GRM5: variants seen among roughly 807,000 people sequenced by gnomAD.
GRM5 encodes the protein glutamate metabotropic receptor 5.
GRM5 carries 19 observed loss-of-function variants against 83.1 expected under a neutral mutation model. The ratio of observed to expected loss-of-function variants is 0.23; its 90% CI spans 0.16 to 0.34. The LOEUF (loss-of-function observed/expected upper bound fraction) is 0.34, where lower values mean the gene tolerates loss of function less well. Among genes scored for constraint, GRM5 ranks in the 10% least tolerant of loss-of-function variants. The pLI is 1.00. For synonymous variants in GRM5, 675 were observed against 633.6 expected (o/e 1.07, Z -0.98); for missense variants, 1,160 against 1,588.3 (o/e 0.73, Z 4.58).
chr11:88,674,241 C>T (rs1940267010), intron 3 of GRM5, among the ~76,000 whole-genome samples: 1 of 151,846 alleles, frequency 6.6e-6, no homozygotes, highest in Admixed American at 6.6e-5. Flanking sequence ...CTCCTCTTGC[C>T]ACCCTGTTTT....
chr11:88,590,405 A>G (rs190423781), intron 7 of GRM5, among the ~76,000 whole-genome samples, 196 bp downstream of exon 7: 1 of 152,308 alleles, frequency 6.6e-6, no homozygotes, highest in Non-Finnish European at 1.5e-5. Flanking sequence ...AGACAGACAT[A>G]TAGGCAGATC....
chr11:88,630,353 G>C lies in GRM5; in HGVS notation c.1147+22815C>G, dbSNP rs1159417377. On this transcript the variant is annotated intron_variant, in intron 4 of 9. Coordinates refer to ENST00000305447, the MANE Select transcript of GRM5 (RefSeq NM_001143831.3). ...CTAAAATGCCTACTGATACATAGTA[G>C]TTATTCAATAAGTATTTGCTGAAGG... is the stretch of plus-strand genomic sequence containing the variant. Among the ~76,000 whole-genome samples the C allele has an allele frequency of 2.6e-5, 4 of 152,078 alleles. No individual in the cohort carries two copies. The East Asian group carries it at 7.7e-4, about 29-fold the overall frequency.
At chr11:88,879,143 AATTTTG>A (rs1216838956) in intron 2 of GRM5, among the ~76,000 whole-genome samples, 1 of 152,096 alleles carries the variant, frequency 6.6e-6, no homozygotes, top group Non-Finnish European at 1.5e-5. Context: ...TGTGAGGAAA[AATTTTG>A]TATAAATATT....
At chr11:88,556,324 CTTTT>C (rs377331160) in intron 8 of GRM5, among the ~76,000 whole-genome samples, 2 of 129,756 alleles carry the variant, frequency 1.5e-5, no homozygotes, top group Admixed American at 7.7e-5. Flanking sequence ...CTTTTCTTTT[CTTTT>C]TTTTTTTTTT....
chr11:88,719,283 G>A (rs1264500741), intron 3 of GRM5, among the ~76,000 whole-genome samples: 1 of 151,784 alleles, frequency 6.6e-6, no homozygotes, highest in Non-Finnish European at 1.5e-5. Context: ...TATTCTCATC[G>A]TTTAGCTCCC....
At chr11:88,738,221 A>G (rs976082586) in intron 3 of GRM5, among the ~76,000 whole-genome samples, 1 of 152,054 alleles carries the variant, frequency 6.6e-6, no homozygotes, top group Non-Finnish European at 1.5e-5. Context: ...GTGAAAAAAG[A>G]TTATATAAAC....
At chr11:88,921,350 G>A (rs1429028908) in intron 2 of GRM5, among the ~76,000 whole-genome samples, 2 of 152,168 alleles carry the variant, frequency 1.3e-5, no homozygotes, top group East Asian at 1.9e-4. Context: ...TAGGCCAGGC[G>A]CAGTGGCTCA....
rs1941284962 is a variant in GRM5, at chr11:88,509,221, C to T, written c.3010G>A (p.Ala1004Thr). Residue 1004 changes from alanine to threonine, a missense_variant, in exon 10 of 10, where the codon GCC becomes ACC. Transcript: ENST00000305447. The part of the protein sequence containing the change: ...DAGPKALYDV[A>T]EAEEHFPAPA... ...GCCGGGAAGTGCTCCTCAGCCTCGG[C>T]CACATCATACAGCGCCTTGGGGCCG... 6.5e-7 allele frequency: 1 copy of T among 1,529,242 alleles called. No homozygotes were observed. The highest frequency in any genetic ancestry group is 8.8e-7 in the Non-Finnish European group (1 of 1,140,366). 94.7% of individuals were successfully genotyped at this position (1,529,242 alleles called of 1,614,324 possible).
chr11:88,766,577 T>C (rs951439406), intron 3 of GRM5, among the ~76,000 whole-genome samples: 2 of 151,988 alleles, frequency 1.3e-5, no homozygotes, highest in African/African-American at 4.8e-5. Context: ...AAGACTTCAA[T>C]GTAAAATCCA....
At chr11:88,740,539 A>T (rs1367640489) in intron 3 of GRM5, among the ~76,000 whole-genome samples, 1 of 151,996 alleles carries the variant, frequency 6.6e-6, no homozygotes, top group East Asian at 1.9e-4. Context: ...GTGTTACCAT[A>T]CTCATTTCAA....
intron 3 of GRM5, among the ~76,000 whole-genome samples, chr11:88,749,721 C>T (rs758318870): frequency 5.9e-5 from 9 of 152,126 alleles, no homozygotes; most frequent in Non-Finnish European, 1.2e-4. Context: ...CAAAGGAAAA[C>T]CTATTAGACT....
rs1941292880 is a variant in GRM5, at chr11:88,509,313, C to A, written c.2918G>T (p.Gly973Val). 2 of 1,581,402 alleles carry A rather than the reference C, an allele frequency of 1.3e-6. No individual in the cohort carries two copies. Among genetic ancestry groups the A allele is most frequent in the East Asian group, 2.4e-5 (1 of 41,848 alleles). The change falls in exon 10 of 10, where the codon GGC (glycine) becomes GTC (valine). Residue 973 changes from glycine (G) to valine (V), a missense_variant. By Grantham distance (109) the Gly-to-Val change is moderately radical. This residue lies in a region of GRM5 where 562 missense variants were observed against 532.4 expected (regional missense o/e 1.06). Coordinates refer to ENST00000305447, the MANE Select transcript of GRM5 (RefSeq NM_001143831.3). The stretch of plus-strand genomic sequence containing the variant: ...GCCCGCACCGCCCGTGGCCCCCACG[C>A]CCCCAGCGCTCCCGCCTGCGCCAGC... Reference protein sequence around the residue: ...AGAGAGGSAGGVGATGGAGCA... With the variant: ...AGAGAGGSAGVVGATGGAGCA...
chr11:88,656,137 A>G (rs144706067), intron 3 of GRM5, among the ~76,000 whole-genome samples: 1 of 9,108 alleles, frequency 1.1e-4, no homozygotes, highest in African/African-American at 3.9e-4. Context: ...CTTCAATTTA[A>G]TTTTTTGGGT....
At chr11:88,967,254 T>TATATATATATATATACAC (rs1555050452) in intron 2 of GRM5, among the ~76,000 whole-genome samples, 7 of 21,460 alleles carry the variant, frequency 3.3e-4, no homozygotes, top group African/African-American at 1.9e-3. Flanking sequence ...TACACATATA[T>TATATATATATATATACAC]ATATATATAT....
At chr11:88,593,749 G>GCTCC (rs1565352426) in intron 6 of GRM5, among the ~76,000 whole-genome samples, 4 of 135,736 alleles carry the variant, frequency 2.9e-5, no homozygotes, top group Non-Finnish European at 1.5e-5. Flanking sequence ...TCCCTCCTTC[G>GCTCC]CTCCCTCCCT....
At chr11:88,917,848 A>G in intron 2 of GRM5, among the ~76,000 whole-genome samples, 1 of 152,166 alleles carries the variant, frequency 6.6e-6, no homozygotes, top group Non-Finnish European at 1.5e-5. Flanking sequence ...ATAGCATGAA[A>G]AGGGAAAATC....
chr11:89,053,358 T>A (rs1003599071), intron 1 of GRM5, among the ~76,000 whole-genome samples: 1 of 151,992 alleles, frequency 6.6e-6, no homozygotes, highest in Admixed American at 6.6e-5. Flanking sequence ...GACATAGAAA[T>A]GCGAAAGAAC....
intron 2 of GRM5, among the ~76,000 whole-genome samples, chr11:88,895,858 G>A (rs563515636): frequency 7.2e-5 from 11 of 152,056 alleles, no homozygotes; most frequent in Admixed American, 2.0e-4. Context: ...CACCTTCTAA[G>A]TGTTAGTCAC....
chr11:89,047,878 G>GA lies in GRM5; in HGVS notation c.-7dup, dbSNP rs1265676239. ...AGGATCAACAGAAGGACCATTTTAG[G>GA]AAAGGAGTTCAAGCCAATAAAGATA... On this transcript the variant is annotated 5_prime_UTR_variant, in exon 2 of 10. Transcript: ENST00000305447. The surrounding 1 kb of genome is among the most constrained non-coding windows in gnomAD (Gnocchi z 5.1). 6.2e-7 allele frequency: 1 copy of GA among 1,611,222 alleles called. No individual in the cohort carries two copies. Among genetic ancestry groups the GA allele is most frequent in the East Asian group, 2.2e-5 (1 of 44,858 alleles).
Sources: allele counts gnomAD v4.1 joint callset (sites outside exome capture counted in the v4.1 genomes callset), GRCh38; gene constraint gnomAD v4.1.1; regional missense constraint gnomAD v4.1.1; non-coding constraint Gnocchi (gnomAD v3.1); transcripts MANE v1.5; gene names NCBI Gene and HGNC (gene_info 2026-07-23, HGNC 2026-07-21).